The following CD209 variants were observed in gnomAD, a reference collection of about 807,000 sequenced individuals.
CD209 encodes CD209 molecule.
A neutral mutation model predicts 44.7 loss-of-function variants in CD209; 31 were observed. The ratio of observed to expected loss-of-function variants is 0.69; its 90% confidence interval spans 0.52 to 0.94. CD209 has a LOEUF of 0.94. Among genes scored for constraint, CD209 ranks in the 40% least tolerant of loss-of-function variants. CD209 has a pLI of 0.00. For missense variants in CD209, 407 were observed against 452.4 expected, an observed-to-expected ratio of 0.90 and a Z score of 0.91; for synonymous variants, 173 against 181.3, an observed-to-expected ratio of 0.95 and a Z score of 0.37.
rs531513041 is a variant in CD209 at position 7,743,272 on chromosome 19, T to TC, written c.1014-33dup. The stretch of plus-strand genomic sequence containing the variant: ...AGCCCATGCGGAATGTGAGCCTCTG[T>TC]CCCCGCCAGCTACATGAGCTGTGTT... On this transcript the variant is annotated intron_variant, in intron 6 of 6. Coordinates refer to ENST00000315599, the MANE Select transcript of CD209 (RefSeq NM_021155.4). The TC allele has an allele frequency of 3.8e-3, 5,952 of 1,580,944 alleles. 22 individuals are homozygous for TC. The highest frequency in any genetic ancestry group is 8.7e-3 in the Middle Eastern group (52 of 5,986).
At chr19:7,743,806 T>C (rs113398041) in intron 6 of CD209, among the ~76,000 whole-genome samples, 5,514 of 152,072 alleles carry the variant, frequency 0.036, 259 homozygotes, top group African/African-American at 0.11. Context: ...TGAGAAGCTA[T>C]TCACAATGGC....
chr19:7,746,396 C>A, intron 3 of CD209, 64 bp downstream of exon 3: 1 of 1,542,932 alleles, frequency 6.5e-7, no homozygotes, highest in Non-Finnish European at 9.0e-7. Flanking sequence ...CTGGCAGCCC[C>A]AGGCTGTGTC....
At position 7,744,850 on chromosome 19, in the gene CD209, C is replaced by A. The variant is rs565809638; in HGVS notation, c.900+91G>T. 1,250 of 1,532,742 alleles carry A rather than the reference C, an allele frequency of 8.2e-4. 18 individuals are homozygous for A. The South Asian group carries it at 0.014, about 17-fold the overall frequency. The allele number at this position is 1,532,742 out of a possible 1,614,324, so 94.9% of individuals were successfully genotyped here. A position where few individuals can be genotyped will look rare whatever the true frequency, so the allele number is the denominator to read the frequency against. On this transcript the variant is annotated intron_variant, in intron 5 of 6. Transcript: ENST00000315599. ...CCCTTCTTTCCAAGTGGAGCAAAAC[C>A]CCTCTTCTGCAAAGTCATCTCTGAG...
In CD209 at chr19:7,744,160, A is replaced by G. The variant is rs1599476264; in HGVS notation, c.960T>C (p.Asp320=). ...SNRFTWMGLS[D]LNQEGTWQWV... Reference sequence around the variant, plus strand: ...ATTGCCACGTGCCTTCCTGATTTAGATCTGAAAGTCCCATCCAGGTGAAGC... The same window carrying G: ...ATTGCCACGTGCCTTCCTGATTTAGGTCTGAAAGTCCCATCCAGGTGAAGC... Residue 320 remains aspartate (D), a synonymous_variant, in exon 6 of 7, where the codon GAT becomes GAC. Coordinates refer to ENST00000315599, the MANE Select transcript of CD209 (RefSeq NM_021155.4). 3.7e-6 allele frequency: 6 copies of G among 1,614,168 alleles called. No individual in the cohort carries two copies. Among genetic ancestry groups the G allele is most frequent in the Non-Finnish European group, 5.1e-6 (6 of 1,180,020 alleles).
At chr19:7,743,285 C>T (rs747849049) in intron 6 of CD209, 45 bp from the exon 7 acceptor site, 2 of 1,533,572 alleles carry the variant, frequency 1.3e-6, no homozygotes, top group South Asian at 1.1e-5. Context: ...CCGCCAGCTA[C>T]ATGAGCTGTG....
Position 7,743,217 on chromosome 19 carries a change from C to T in CD209, c.1037G>A (p.Gly346Glu), listed in dbSNP as rs746508965. 2 of 1,614,038 alleles carry T rather than the reference C, an allele frequency of 1.2e-6. No individual in the cohort carries two copies. Among genetic ancestry groups the T allele is most frequent in the East Asian group, 4.5e-5 (2 of 44,898 alleles). The change falls in exon 7 of 7, where the codon GGA (glycine) becomes GAA (glutamate). Residue 346 changes from glycine to glutamate, a missense_variant. Physicochemically the swap from Gly to Glu is moderately conservative, Grantham distance 98. Coordinates refer to ENST00000315599, the MANE Select transcript of CD209 (RefSeq NM_021155.4). ...LPSFKQYWNR[G>E]EPNNVGEEDC... ...TTCCTCCCCAACGTTGTTGGGCTCT[C>T]CTCTGTTCCAATACTGCTTGAAGCT... is the stretch of plus-strand genomic sequence containing the variant.
chr19:7,745,083 C>T lies in CD209; in HGVS notation c.758G>A (p.Cys253Tyr). The change falls in exon 5 of 7, where the codon TGC becomes TAC. Residue 253 changes from cysteine (C) to tyrosine (Y), a missense_variant. By Grantham distance (194) the Cys-to-Tyr change is radical. Transcript: ENST00000315599. ...TGTCCATTCCCAGGGACAGGGGTGG[C>T]ACAGGCGTTCTGTTGGGGGAGGCTG... ...TQLKAAVERL[C>Y]HPCPWEWTFF... 1.2e-6 allele frequency: 2 copies of T among 1,614,188 alleles called. No individual in the cohort carries two copies. The highest frequency in any genetic ancestry group is 2.2e-5 in the South Asian group (2 of 91,084).
In CD209 at chr19:7,741,439, C is replaced by T. The variant is rs1268966897; in HGVS notation, c.*1600G>A. 5 of 417,408 alleles carry T rather than the reference C, an allele frequency of 1.2e-5. No homozygotes were observed. The highest frequency in any genetic ancestry group is 4.2e-4 in the Middle Eastern group (1 of 2,370). 25.9% of individuals were successfully genotyped at this position (417,408 alleles called of 1,614,324 possible). ...CCCGGGAGGCGGAAGTTGCAGTGAGCCTAGATCGCGCCACTGCACTCCAGC... is the reference window on the plus strand; with the variant it reads ...CCCGGGAGGCGGAAGTTGCAGTGAGTCTAGATCGCGCCACTGCACTCCAGC... On this transcript the variant is annotated 3_prime_UTR_variant, in exon 7 of 7. Transcript: ENST00000315599.
At position 7,742,115 on chromosome 19, in the gene CD209, A is replaced by C. The variant is rs1385325586; in HGVS notation, c.*924T>G. 2 of 264,182 alleles carry C rather than the reference A, an allele frequency of 7.6e-6. No individual in the cohort carries two copies. Among genetic ancestry groups the C allele is most frequent in the African/African-American group, 2.3e-5 (1 of 43,816 alleles). 16.4% of individuals were successfully genotyped at this position (264,182 alleles called of 1,614,324 possible). A position where few individuals can be genotyped will look rare whatever the true frequency, so the allele number is the denominator to read the frequency against. The stretch of plus-strand genomic sequence containing the variant: ...TAGGAGGAGATCAGGTAGTAGAGAC[A>C]GAACTGTTCAGAGTCCCAAATCCCA... On this transcript the variant is annotated 3_prime_UTR_variant, in exon 7 of 7. Coordinates refer to ENST00000315599, the MANE Select transcript of CD209 (RefSeq NM_021155.4).
intron 3 of CD209, 79 bp from the exon 4 acceptor site, chr19:7,746,166 A>G: frequency 6.4e-7 from 1 of 1,570,338 alleles, no homozygotes; most frequent in Non-Finnish European, 8.6e-7. Flanking sequence ...CCATAGGGAC[A>G]TCATTTGTGA....
chr19:7,743,340 G>C, intron 6 of CD209, 100 bp from the exon 7 acceptor site: 1 of 1,022,518 alleles, frequency 9.8e-7, no homozygotes, highest in South Asian at 1.3e-5. Flanking sequence ...TGCCCTGCGT[G>C]TGTATGCTGG....
chr19:7,747,429 C>G (rs565608551), intron 1 of CD209, 37 bp downstream of exon 1: 3 of 1,614,228 alleles, frequency 1.9e-6, no homozygotes, highest in South Asian at 1.1e-5. Flanking sequence ...CATCCCTTCC[C>G]CCTTCCCAGA....
Position 7,740,935 on chromosome 19 carries a change from G to T in CD209, c.*2104C>A. 1.4e-6 allele frequency: 1 copy of T among 721,378 alleles called. No individual in the cohort carries two copies. The highest frequency in any genetic ancestry group is 2.5e-6 in the Non-Finnish European group (1 of 395,114). 44.7% of individuals were successfully genotyped at this position (721,378 alleles called of 1,614,324 possible). On this transcript the variant is annotated 3_prime_UTR_variant, in exon 7 of 7. Transcript: ENST00000315599. ...CCCCCCCTTGGATTTCAGAGTCATG[G>T]AGAAGGATGGAGTTAATTGTCCCTT... is the stretch of plus-strand genomic sequence containing the variant.
At chr19:7,746,109 A>C (rs376988840) in intron 3 of CD209, 22 bp from the exon 4 acceptor site, 15 of 1,612,860 alleles carry the variant, frequency 9.3e-6, no homozygotes, top group Admixed American at 1.7e-5. Flanking sequence ...AAAAAAAGGA[A>C]CTGCAATTAT....
chr19:7,744,835 C>A, intron 5 of CD209, 106 bp downstream of exon 5: 1 of 1,469,840 alleles, frequency 6.8e-7, no homozygotes, highest in South Asian at 1.3e-5. Flanking sequence ...CCCTTCTTTC[C>A]AAGTGGAGCA....
At chr19:7,746,897 C>A (rs900202222) in intron 2 of CD209, among the ~76,000 whole-genome samples, 25 of 151,212 alleles carry the variant, frequency 1.7e-4, no homozygotes, top group African/African-American at 6.1e-4. Context: ...AACCCAGGTA[C>A]CTGCTCCCAC....
intron 2 of CD209, 122 bp downstream of exon 2, chr19:7,747,184 G>A: frequency 1.0e-6 from 1 of 1,001,596 alleles, no homozygotes; most frequent in African/African-American, 1.6e-5. Context: ...GGTCCCAGGA[G>A]TCCAGGCCCC....
In CD209 at chr19:7,740,182, C is replaced by G. The variant is rs2033566048; in HGVS notation, c.*2857G>C. ...TGACTGGATCACGCCAGGGCTCAAT[C>G]TGATTGGATCAAGGATCATGCCACG... On this transcript the variant is annotated 3_prime_UTR_variant, in exon 7 of 7. Coordinates refer to ENST00000315599, the MANE Select transcript of CD209 (RefSeq NM_021155.4). 13 of 273,576 alleles carry G rather than the reference C, an allele frequency of 4.8e-5. 1 individual carries two copies. The South Asian group carries it at 6.1e-4, about 13-fold the overall frequency. The allele number at this position is 273,576 out of a possible 1,614,324, so 16.9% of individuals were successfully genotyped here. A position where few individuals can be genotyped will look rare whatever the true frequency, so the allele number is the denominator to read the frequency against.
At chr19:7,744,345 A>G in intron 5 of CD209, 126 bp from the exon 6 acceptor site, 1 of 691,238 alleles carries the variant, frequency 1.4e-6, no homozygotes, top group East Asian at 2.6e-5. Flanking sequence ...CTAGGTCCTG[A>G]GCCCCCTCGT....
Sources: gnomAD v4.1 joint callset for allele counts (sites outside exome capture counted in the v4.1 genomes callset) on GRCh38, gnomAD v4.1.1 for gene constraint, MANE v1.5 for transcripts, NCBI Gene and HGNC (gene_info 2026-07-23, HGNC 2026-07-21) for gene names.